GNL3L: variants seen among roughly 807,000 people sequenced by gnomAD.
GNL3L encodes G protein nucleolar 3 like.
GNL3L carries 4 observed loss-of-function variants against 42.9 expected under a neutral mutation model. That is an observed-to-expected ratio of 0.09 (90% confidence interval 0.05 to 0.21). The LOEUF (loss-of-function observed/expected upper bound fraction) is 0.21, where lower values mean the gene tolerates loss of function less well. GNL3L is among the 10% of genes least tolerant of loss of function. The probability of loss-of-function intolerance (pLI) is 1.00; values close to 1 mark genes in which losing one functional copy is unlikely to be tolerated. For missense variants in GNL3L, 412 were observed against 481.7 expected, an observed-to-expected ratio of 0.86 and a Z score of 1.36; for synonymous variants, 159 against 176.3, an observed-to-expected ratio of 0.90 and a Z score of 0.78.
chrX:54,575,814 G>T (rs918972822), intron 16 of GNL3L, among the ~76,000 whole-genome samples: 3 of 112,146 alleles, frequency 2.7e-5, no homozygotes, highest in African/African-American at 9.7e-5. Flanking sequence ...GGAGGCTGAG[G>T]CAGCAGAATT....
At chrX:54,635,143 G>C in the GNL3L span, among the ~76,000 whole-genome samples, 1 of 110,916 alleles carries the variant, frequency 9.0e-6, no homozygotes, top group Admixed American at 9.6e-5. Flanking sequence ...CTATCCTTAA[G>C]TTCACTGATT....
intron 16 of GNL3L, among the ~76,000 whole-genome samples, chrX:54,614,792 G>T (rs910227214): frequency 2.7e-5 from 3 of 111,399 alleles, no homozygotes; most frequent in Non-Finnish European, 5.6e-5. Flanking sequence ...TCCTGCAGGT[G>T]CAGTCTGCTT....
chrX:54,548,617 G>A (rs188715829), intron 9 of GNL3L, among the ~76,000 whole-genome samples: 1 of 111,253 alleles, frequency 9.0e-6, no homozygotes, highest in East Asian at 2.8e-4. Context: ...AGCTATGGGA[G>A]GATGGGGTGA....
chrX:54,610,233 G>A lies in GNL3L; in HGVS notation c.*46-10612G>A, dbSNP rs146353965. Among the ~76,000 whole-genome samples, 315 of 111,702 alleles carry A rather than the reference G, an allele frequency of 2.8e-3. 1 individual carries two copies. The highest frequency in any genetic ancestry group is 9.7e-3 in the African/African-American group (299 of 30,787). The stretch of plus-strand genomic sequence containing the variant: ...AAACTTGGCTGAGTTTTTTTTATCA[G>A]TTCTAGGAGCTTTCTGGAGGAGTCC... On this transcript the variant is annotated intron_variant, in intron 16 of 16. Coordinates refer to the GNL3L transcript ENST00000674498.
chrX:54,534,680 A>ATG (rs1215655411), intron 2 of GNL3L, among the ~76,000 whole-genome samples: 1 of 111,725 alleles, frequency 9.0e-6, no homozygotes, highest in African/African-American at 3.3e-5. Context: ...CAGAGTAAGA[A>ATG]TGTCTGCTGG....
At chrX:54,625,367 A>G (rs1361303071), downstream of GNL3L, among the ~76,000 whole-genome samples, 1 of 107,456 alleles carries the variant, frequency 9.3e-6, no homozygotes, top group Admixed American at 1.0e-4. Context: ...GAGAGTTTTT[A>G]TCATGATAGG....
intron 16 of GNL3L, among the ~76,000 whole-genome samples, chrX:54,610,516 G>A (rs12835883): frequency 0.24 from 26,874 of 110,003 alleles, 3,245 homozygotes; most frequent in African/African-American, 0.46. Flanking sequence ...TTACACTAAG[G>A]TATGTCCCTT....
chrX:54,615,704 C>CT (rs752545647), intron 16 of GNL3L, among the ~76,000 whole-genome samples: 3,096 of 99,521 alleles, frequency 0.031, 63 homozygotes, highest in African/African-American at 0.069. Flanking sequence ...CCAGTACTTG[C>CT]TTTTTTTTTT....
At chrX:54,533,675 C>A (rs901388472) in intron 2 of GNL3L, among the ~76,000 whole-genome samples, 13 of 111,094 alleles carry the variant, frequency 1.2e-4, no homozygotes, top group African/African-American at 3.9e-4. Context: ...GTTGGCCAGT[C>A]TGGTCTTGAA....
At chrX:54,610,389 T>G (rs909762900) in intron 16 of GNL3L, among the ~76,000 whole-genome samples, 2 of 111,450 alleles carry the variant, frequency 1.8e-5, no homozygotes, top group African/African-American at 3.3e-5. Context: ...AGCACTATAT[T>G]GAAGAGGAGT....
At chrX:54,549,084 A>G (rs986337793) in intron 9 of GNL3L, among the ~76,000 whole-genome samples, 2 of 111,561 alleles carry the variant, frequency 1.8e-5, no homozygotes, top group African/African-American at 6.5e-5. Context: ...TAGGAAGGGT[A>G]GAGATAACCC....
intron 2 of GNL3L, 149 bp downstream of exon 2, chrX:54,532,734 C>G: frequency 1.8e-6 from 1 of 542,794 alleles, no homozygotes; most frequent in South Asian, 2.8e-5. Context: ...AATCTCAGTT[C>G]ACTGCAACCT....
At chrX:54,597,257 A>G (rs990504884) in intron 16 of GNL3L, among the ~76,000 whole-genome samples, 5 of 110,834 alleles carry the variant, frequency 4.5e-5, no homozygotes, top group Admixed American at 2.9e-4. Context: ...TTAGCAGGTG[A>G]TTAATGGTGC....
At chrX:54,571,087 T>C (rs1485739776), downstream of GNL3L, among the ~76,000 whole-genome samples, 2 of 111,543 alleles carry the variant, frequency 1.8e-5, no homozygotes, top group Admixed American at 9.6e-5. Flanking sequence ...CTTTGAAAGG[T>C]ATTTTTGCTA....
the GNL3L span, among the ~76,000 whole-genome samples, chrX:54,626,966 G>A: frequency 9.0e-6 from 1 of 110,645 alleles, no homozygotes; most frequent in Non-Finnish European, 1.9e-5. Context: ...TCTGCAGGCT[G>A]TCTCTTCACT....
In GNL3L at chrX:54,548,356, T is replaced by C. The variant is rs1273130330; in HGVS notation, c.758T>C (p.Ile253Thr). 8.3e-7 allele frequency: 1 copy of C among 1,199,430 alleles called. No homozygotes were observed. Among genetic ancestry groups the C allele is most frequent in the African/African-American group, 1.8e-5 (1 of 56,643 alleles). The change falls in exon 9 of 16, where the codon ATT (isoleucine) becomes ACT (threonine). Residue 253 changes from isoleucine to threonine, a missense_variant. Ile to Thr is a moderately conservative substitution (Grantham distance 89). Coordinates refer to ENST00000360845, the MANE Select transcript of GNL3L (RefSeq NM_001184819.2). ...YCRLGEVRTH[I>T]RVGVVGLPNV... ...CGCCTTGGTGAAGTGCGCACCCACA[T>C]TCGTGTGGGTGTTGTGGGTAAGACC...
chrX:54,552,403 G>A lies in GNL3L; in HGVS notation c.1293G>A (p.Glu431=). 1 of 1,210,572 alleles carries A rather than the reference G, an allele frequency of 8.3e-7. No individual in the cohort carries two copies. Residue 431 remains glutamate (E), a synonymous_variant, in exon 13 of 16, where the codon GAG becomes GAA. Coordinates refer to ENST00000360845, the MANE Select transcript of GNL3L (RefSeq NM_001184819.2). The part of the protein sequence containing the change: ...MTEVFDIEDT[E]QANEDTMECL... ...AGGTCTTTGACATCGAGGATACTGA[G>A]CAGGCCAATGAAGACACCATGGAAT... is the stretch of plus-strand genomic sequence containing the variant.
At chrX:54,558,786 A>G in intron 15 of GNL3L, 131 bp downstream of exon 15, 3 of 477,803 alleles carry the variant, frequency 6.3e-6, no homozygotes. Context: ...CTTCCTGAGT[A>G]GCTGGGATTA....
Position 54,547,262 on chromosome X carries a change from G to C in GNL3L, c.631-967G>C, listed in dbSNP as rs1009401646. Reference sequence around the variant, plus strand: ...TCCGCCTGCCTTGGCCTCCCAAAGTGCTGGATTACAGGAATGAGCCACAGC... The same window carrying C: ...TCCGCCTGCCTTGGCCTCCCAAAGTCCTGGATTACAGGAATGAGCCACAGC... On this transcript the variant is annotated intron_variant, in intron 8 of 15. Transcript: ENST00000360845. Among the ~76,000 whole-genome samples, 18 of 110,462 alleles carry C rather than the reference G, an allele frequency of 1.6e-4. 1 individual carries two copies. Among genetic ancestry groups the C allele is most frequent in the Non-Finnish European group, 2.8e-4 (15 of 52,866 alleles).
Sources: gnomAD v4.1 joint callset for allele counts (sites outside exome capture counted in the v4.1 genomes callset) on GRCh38, gnomAD v4.1.1 for gene constraint, MANE v1.5 for transcripts, NCBI Gene and HGNC (gene_info 2026-07-23, HGNC 2026-07-21) for gene names.